Variants in EVI5L observed in about 807,000 individuals in gnomAD.
The protein encoded by EVI5L is ecotropic viral integration site 5 like, also known as EVI5-like protein.
EVI5L carries 30 observed loss-of-function variants against 106.1 expected under a neutral mutation model. The ratio of observed to expected loss-of-function variants is 0.28; its 90% CI spans 0.21 to 0.38. The LOEUF (loss-of-function observed/expected upper bound fraction) is 0.38. EVI5L is among the 10% of genes least tolerant of loss of function. The probability of loss-of-function intolerance (pLI) is 1.00; values close to 1 mark genes in which losing one functional copy is unlikely to be tolerated. For missense variants in EVI5L, 809 were observed against 1,098.0 expected, an observed-to-expected ratio of 0.74 and a Z score of 3.72; for synonymous variants, 489 against 483.3, an observed-to-expected ratio of 1.01 and a Z score of -0.15.
In EVI5L at chr19:7,858,416, A is replaced by G; in HGVS notation, c.1374+85A>G. On this transcript the variant is annotated intron_variant, in intron 13 of 19. Transcript: ENST00000538904. This position sits in a 1 kb window ranked among gnomAD's most constrained non-coding sequence, Gnocchi z 5.7. ...CAACGGTTTTCTTTCAGGGCTCATA[A>G]TCTGCCCCGCCTCAGCACCTGGCCC... 1 of 1,457,456 alleles carries G rather than the reference A, an allele frequency of 6.9e-7. No homozygotes were observed. Among genetic ancestry groups the G allele is most frequent in the Non-Finnish European group, 9.0e-7 (1 of 1,105,250 alleles). The allele number at this position is 1,457,456 out of a possible 1,614,324, so 90.3% of individuals were successfully genotyped here. A position where few individuals can be genotyped will look rare whatever the true frequency, so the allele number is the denominator to read the frequency against.
At chr19:7,854,189 G>C (rs1979410357) in intron 10 of EVI5L, among the ~76,000 whole-genome samples, 1 of 149,864 alleles carries the variant, frequency 6.7e-6, no homozygotes, top group South Asian at 2.1e-4. Flanking sequence ...GGCTGAGGCA[G>C]GAAAATCACT....
Position 7,857,444 on chromosome 19 carries a change from A to G in EVI5L, c.1233+320A>G. ...GGGGAACCTAAAACCATATTCACAT[A>G]AGGCCCTGGTGTGTGCAGTGCTGCG... On this transcript the variant is annotated intron_variant, in intron 12 of 19. Coordinates refer to ENST00000538904, the MANE Select transcript of EVI5L (RefSeq NM_001159944.3). This position sits in a 1 kb window ranked among gnomAD's most constrained non-coding sequence, Gnocchi z 4.5. 1.9e-6 allele frequency: 1 copy of G among 536,754 alleles called. No individual in the cohort carries two copies. Among genetic ancestry groups the G allele is most frequent in the Non-Finnish European group, 3.4e-6 (1 of 295,944 alleles). The allele number at this position is 536,754 out of a possible 1,614,324, so 33.2% of individuals were successfully genotyped here.
At chr19:7,861,822 G>T in intron 14 of EVI5L, 56 bp from the exon 15 acceptor site, 1 of 1,544,108 alleles carries the variant, frequency 6.5e-7, no homozygotes, top group South Asian at 1.2e-5. Flanking sequence ...TTGTCCTGCA[G>T]GAAGGGCCAT....
intron 2 of EVI5L, among the ~76,000 whole-genome samples, chr19:7,847,134 A>G (rs537342835): frequency 6.6e-6 from 1 of 152,176 alleles, no homozygotes; most frequent in South Asian, 2.1e-4. Context: ...TCTACTAAAA[A>G]CACAAAAATT....
In EVI5L at chr19:7,858,075, C is replaced by G; in HGVS notation, c.1234-116C>G. On this transcript the variant is annotated intron_variant, in intron 12 of 19. Coordinates refer to ENST00000538904, the MANE Select transcript of EVI5L (RefSeq NM_001159944.3). The surrounding 1 kb of genome is among the most constrained non-coding windows in gnomAD (Gnocchi z 5.7). The stretch of plus-strand genomic sequence containing the variant: ...CCAGGCTCTGAGTACGGGAGGCCCC[C>G]ACCTCACTTCCCCCCACCTCCACTC... 1 of 1,261,180 alleles carries G rather than the reference C, an allele frequency of 7.9e-7. No individual in the cohort carries two copies. The highest frequency in any genetic ancestry group is 1.5e-5 in the South Asian group (1 of 67,596). 78.1% of individuals were successfully genotyped at this position (1,261,180 alleles called of 1,614,324 possible). A position where few individuals can be genotyped will look rare whatever the true frequency, so the allele number is the denominator to read the frequency against.
chr19:7,830,617 C>A (rs1978290358), intron 1 of EVI5L, among the ~76,000 whole-genome samples: 3 of 149,010 alleles, frequency 2.0e-5, no homozygotes, highest in Admixed American at 6.7e-5. Flanking sequence ...TCCCCCACTC[C>A]GTCCCCTCCC....
At chr19:7,831,113 C>G (rs1289682077) in intron 1 of EVI5L, among the ~76,000 whole-genome samples, 2 of 151,498 alleles carry the variant, frequency 1.3e-5, no homozygotes, top group Non-Finnish European at 2.9e-5. Flanking sequence ...CCTGCCCCAT[C>G]TGGATCCTGG....
chr19:7,855,602 C>T (rs1979482016), intron 10 of EVI5L, among the ~76,000 whole-genome samples: 3 of 152,284 alleles, frequency 2.0e-5, no homozygotes, highest in East Asian at 3.9e-4. Context: ...GAATTGAACC[C>T]GGGTGCTTGG....
intron 1 of EVI5L, among the ~76,000 whole-genome samples, chr19:7,846,061 G>A (rs1445170491): frequency 1.2e-4 from 19 of 152,212 alleles, no homozygotes; most frequent in Non-Finnish European, 2.5e-4. Flanking sequence ...AGGCCGTGGC[G>A]GGGACGGGGA....
In EVI5L at chr19:7,845,205, G is replaced by A. The variant is rs572011644; in HGVS notation, c.-47-1291G>A. Among the ~76,000 whole-genome samples the A allele has an allele frequency of 4.6e-5, 7 of 152,266 alleles. No individual in the cohort carries two copies. Among genetic ancestry groups the A allele is most frequent in the African/African-American group, 7.2e-5 (3 of 41,558 alleles). The stretch of plus-strand genomic sequence containing the variant: ...GGGCAGTGGGCGGGCATGAGGAGCC[G>A]TGCAAATAAGGAGGCAGGAGGCAGG... On this transcript the variant is annotated intron_variant, in intron 1 of 19. Coordinates refer to ENST00000538904, the MANE Select transcript of EVI5L (RefSeq NM_001159944.3). This position sits in a 1 kb window ranked among gnomAD's most constrained non-coding sequence, Gnocchi z 4.0.
intron 8 of EVI5L, chr19:7,852,728 T>TTTCAGAAATGGGG: frequency 3.9e-6 from 1 of 254,022 alleles, no homozygotes; most frequent in Non-Finnish European, 7.8e-6. Flanking sequence ...ATTTTTTTTT[T>TTTCAGAAATGGGG]TCAGAAATGG....
In EVI5L at chr19:7,864,968, A is replaced by G. The variant is rs534693387; in HGVS notation, c.*1266A>G. 6.6e-6 allele frequency: 1 copy of G among 152,582 alleles called. No homozygotes were observed. The highest frequency in any genetic ancestry group is 6.5e-5 in the Admixed American group (1 of 15,304). The allele number at this position is 152,582 out of a possible 1,614,324, so 9.5% of individuals were successfully genotyped here. Reference sequence around the variant, plus strand: ...GAAAAATGGAAAATAAAGTGTATTTACACAGTCACGGACTGGCCTGCGGGC... The same window carrying G: ...GAAAAATGGAAAATAAAGTGTATTTGCACAGTCACGGACTGGCCTGCGGGC... On this transcript the variant is annotated 3_prime_UTR_variant, in exon 20 of 20. Transcript: ENST00000538904. This position sits in a 1 kb window ranked among gnomAD's most constrained non-coding sequence, Gnocchi z 4.5.
chr19:7,847,915 G>C lies in EVI5L; in HGVS notation c.321G>C (p.Leu107=). ...WEEWRRRKEK[L]LKELIRKGIP... is the part of the protein sequence containing the mutation. ...AGTGGCGGCGCAGGAAGGAGAAGCT[G>C]CTCAAGGTGGGGGGCGGCCAGGCAG... Residue 107 remains leucine (L), a synonymous_variant, in exon 3 of 20, where the codon CTG becomes CTC. Coordinates refer to ENST00000538904, the MANE Select transcript of EVI5L (RefSeq NM_001159944.3). The C allele has an allele frequency of 1.3e-6, 2 of 1,547,538 alleles. No individual in the cohort carries two copies. Among genetic ancestry groups the C allele is most frequent in the Non-Finnish European group, 1.7e-6 (2 of 1,144,078 alleles).
rs1178292603 is a variant in EVI5L, at chr19:7,835,659, GGAGCAGCTA to G, written c.-48+5281_-48+5289del. Among the ~76,000 whole-genome samples, 2 of 152,178 alleles carry G rather than the reference GGAGCAGCTA, an allele frequency of 1.3e-5. No individual in the cohort carries two copies. Among genetic ancestry groups the G allele is most frequent in the African/African-American group, 4.8e-5 (2 of 41,456 alleles). On this transcript the variant is annotated intron_variant, in intron 1 of 19. Transcript: ENST00000538904. This position sits in a 1 kb window ranked among gnomAD's most constrained non-coding sequence, Gnocchi z 4.1. Reference sequence around the variant, plus strand: ...ATGGAAACTTCCAGAACCATGTGGAGGAGCAGCTAGACTGGGCGCAAGAAGAGATCAGGC... The same window carrying G: ...ATGGAAACTTCCAGAACCATGTGGAGGACTGGGCGCAAGAAGAGATCAGGC...
chr19:7,861,829 C>T, intron 14 of EVI5L, 49 bp from the exon 15 acceptor site: 3 of 1,545,974 alleles, frequency 1.9e-6, no homozygotes, highest in Non-Finnish European at 2.6e-6. Context: ...GCAGGAAGGG[C>T]CATGCGGCTG....
In EVI5L at chr19:7,862,248, C is replaced by T. The variant is rs760398589; in HGVS notation, c.1771C>T (p.Arg591Trp). The change falls in exon 16 of 20, where the codon CGG (arginine) becomes TGG (tryptophan). Residue 591 changes from arginine (R) to tryptophan (W), a missense_variant. Transcript: ENST00000538904. The stretch of plus-strand genomic sequence containing the variant: ...GGCCCTGGCCGAGGGCCGCGAGCTG[C>T]GGCAGCGCGTGGTGGAACTTGAGAC... ...AQALAEGREL[R>W]QRVVELETQD... 18 of 1,575,914 alleles carry T rather than the reference C, an allele frequency of 1.1e-5. No individual in the cohort carries two copies. The South Asian group carries it at 2.1e-4, about 18-fold the overall frequency.
In EVI5L at chr19:7,864,100, G is replaced by A; in HGVS notation, c.*398G>A. ...CTTCTGGGACAGGGGCGACATTGCT[G>A]GGAAGTGCTCAGGAGGTAGCCGAGG... On this transcript the variant is annotated 3_prime_UTR_variant, in exon 20 of 20. Transcript: ENST00000538904. The surrounding 1 kb of genome is among the most constrained non-coding windows in gnomAD (Gnocchi z 4.5). 5.0e-6 allele frequency: 1 copy of A among 202,004 alleles called. No individual in the cohort carries two copies. Among genetic ancestry groups the A allele is most frequent in the Non-Finnish European group, 9.9e-6 (1 of 101,478 alleles). The allele number at this position is 202,004 out of a possible 1,614,324, so 12.5% of individuals were successfully genotyped here. A position where few individuals can be genotyped will look rare whatever the true frequency, so the allele number is the denominator to read the frequency against.
chr19:7,844,918 C>T (rs562923633), intron 1 of EVI5L, among the ~76,000 whole-genome samples: 1 of 152,174 alleles, frequency 6.6e-6, no homozygotes, highest in South Asian at 2.1e-4. Context: ...CTGGGGTGGC[C>T]AGGGTCAAGT....
At chr19:7,862,634 C>G in intron 17 of EVI5L, 100 bp downstream of exon 17, 1 of 1,095,682 alleles carries the variant, frequency 9.1e-7, no homozygotes, top group Non-Finnish European at 1.2e-6. Flanking sequence ...CGTCCTGCCT[C>G]CCGATCTGCC....
Sources: allele counts gnomAD v4.1 joint callset (sites outside exome capture counted in the v4.1 genomes callset), GRCh38; gene constraint gnomAD v4.1.1; non-coding constraint Gnocchi (gnomAD v3.1); transcripts MANE v1.5; gene names NCBI Gene and HGNC (gene_info 2026-07-23, HGNC 2026-07-21).